Variants in HACE1 observed in about 807,000 individuals in gnomAD.
HACE1 encodes E3 ubiquitin-protein ligase HACE1.
A neutral mutation model predicts 118.4 loss-of-function variants in HACE1; 73 were observed. The ratio of observed to expected loss-of-function variants is 0.62; its 90% CI spans 0.51 to 0.75. HACE1 has a LOEUF of 0.75. Ranked by LOEUF, HACE1 falls within the 30% of genes least tolerant of loss-of-function variation. HACE1 has a pLI of 0.00. For missense variants in HACE1, 749 were observed against 1,102.2 expected, an observed-to-expected ratio of 0.68 and a Z score of 4.54; for synonymous variants, 368 against 374.8, an observed-to-expected ratio of 0.98 and a Z score of 0.21.
chr6:104,760,358 T>G (rs1779207438), intron 19 of HACE1, among the ~76,000 whole-genome samples: 1 of 152,180 alleles, frequency 6.6e-6, no homozygotes, highest in Non-Finnish European at 1.5e-5. Flanking sequence ...CACGATCAAG[T>G]CGGCTTCATC....
At chr6:104,736,964 T>A (rs1035641199) in intron 22 of HACE1, among the ~76,000 whole-genome samples, 1 of 152,058 alleles carries the variant, frequency 6.6e-6, no homozygotes, top group Non-Finnish European at 1.5e-5. Context: ...GATTAAACAC[T>A]ACTTTTAAAA....
intron 6 of HACE1, among the ~76,000 whole-genome samples, chr6:104,817,012 G>A (rs1028505222): frequency 6.6e-6 from 1 of 152,160 alleles, no homozygotes; most frequent in Non-Finnish European, 1.5e-5. Context: ...TTCACTCAAT[G>A]CCTGTACCCC....
At chr6:104,791,092 C>T (rs939172398) in intron 11 of HACE1, among the ~76,000 whole-genome samples, 5 of 152,116 alleles carry the variant, frequency 3.3e-5, no homozygotes, top group African/African-American at 1.2e-4. Context: ...ACTTTGAAAA[C>T]ACATACAGAC....
intron 6 of HACE1, chr6:104,824,934 T>C (rs1773153579): frequency 6.6e-6 from 1 of 150,528 alleles, no homozygotes; most frequent in Non-Finnish European, 1.5e-5. Flanking sequence ...ATACAAAAAA[T>C]TAGCCGGGCG....
At chr6:104,774,631 G>T (rs1386244448) in intron 17 of HACE1, among the ~76,000 whole-genome samples, 1 of 151,724 alleles carries the variant, frequency 6.6e-6, no homozygotes, top group Non-Finnish European at 1.5e-5. Context: ...TGATCTGCCC[G>T]CCTCGGCCTC....
At chr6:104,799,322 A>C (rs371491310) in intron 7 of HACE1, among the ~76,000 whole-genome samples, 1 of 152,198 alleles carries the variant, frequency 6.6e-6, no homozygotes, top group African/African-American at 2.4e-5. Context: ...CAGACAGCCA[A>C]TTCTTCACAC....
At chr6:104,823,636 A>C (rs2486145) in intron 6 of HACE1, among the ~76,000 whole-genome samples, 151,387 of 151,778 alleles carry the variant, frequency 1, 75,499 homozygotes, top group Non-Finnish European at 1. Context: ...AACCAAAAAT[A>C]AAAAAACAGA....
chr6:104,791,775 A>G (rs1783055601), intron 10 of HACE1, 121 bp from the exon 11 acceptor site: 1 of 667,056 alleles, frequency 1.5e-6, no homozygotes, highest in Non-Finnish European at 2.6e-6. Flanking sequence ...CTGGAGTACA[A>G]TTCCTTTCCT....
At position 104,797,039 on chromosome 6, in the gene HACE1, G is replaced by C. The variant is rs1769728840; in HGVS notation, c.618-14C>G. 6.4e-6 allele frequency: 9 copies of C among 1,400,558 alleles called. No homozygotes were observed. The East Asian group carries it at 2.1e-4, about 32-fold the overall frequency. The allele number at this position is 1,400,558 out of a possible 1,614,324, so 86.8% of individuals were successfully genotyped here. A position where few individuals can be genotyped will look rare whatever the true frequency, so the allele number is the denominator to read the frequency against. ...CTCTGACCATGACTGTGTGGAAATA[G>C]AAACAAGTTAAAAATACAATCTTTT... On this transcript the variant is annotated splice_polypyrimidine_tract_variant and intron_variant, in intron 7 of 23. Coordinates refer to ENST00000262903, the MANE Select transcript of HACE1 (RefSeq NM_020771.4).
At chr6:104,770,373 T>C (rs1780479481) in intron 19 of HACE1, among the ~76,000 whole-genome samples, 1 of 152,120 alleles carries the variant, frequency 6.6e-6, no homozygotes, top group Non-Finnish European at 1.5e-5. Flanking sequence ...CAGTGAAATT[T>C]AAAACATATG....
intron 11 of HACE1, among the ~76,000 whole-genome samples, chr6:104,788,600 A>T: frequency 6.6e-6 from 1 of 152,168 alleles, no homozygotes; most frequent in South Asian, 2.1e-4. Flanking sequence ...TAAAAGTTTC[A>T]CAATCTTTCT....
chr6:104,852,224 TGTGTGC>T (rs1562514656), intron 2 of HACE1, 87 bp downstream of exon 2: 92 of 720,050 alleles, frequency 1.3e-4, no homozygotes, highest in Middle Eastern at 4.9e-4. Flanking sequence ...TGTGTGTGTG[TGTGTGC>T]GCGCGTGCGC....
rs142463116 is a variant in HACE1 at position 104,852,228 on chromosome 6, T to TGTGTGTGC, written c.131+88_131+89insGCACACAC. ...GTGTGTGTGTGTGTGTGTGTGTGTG[T>TGTGTGTGC]GCGCGCGTGCGCGTGCACGGGCATG... On this transcript the variant is annotated intron_variant, in intron 2 of 23. Transcript: ENST00000262903. 2,336 of 659,676 alleles carry TGTGTGTGC rather than the reference T, an allele frequency of 3.5e-3. 6 individuals carry two copies. Among genetic ancestry groups the TGTGTGTGC allele is most frequent in the East Asian group, 0.024 (868 of 35,752 alleles). The allele number at this position is 659,676 out of a possible 1,614,324, so 40.9% of individuals were successfully genotyped here. A position where few individuals can be genotyped will look rare whatever the true frequency, so the allele number is the denominator to read the frequency against.
Position 104,777,227 on chromosome 6 carries a change from C to T in HACE1, c.1657G>A (p.Asp553Asn). 1 of 1,612,166 alleles carries T rather than the reference C, an allele frequency of 6.2e-7. No homozygotes were observed. The highest frequency in any genetic ancestry group is 1.1e-5 in the South Asian group (1 of 91,034). Residue 553 changes from aspartate to asparagine, a missense_variant, in exon 15 of 24, where the codon GAT becomes AAT. By Grantham distance (23) the Asp-to-Asn change is conservative. Coordinates refer to ENST00000262903, the MANE Select transcript of HACE1 (RefSeq NM_020771.4). The stretch of plus-strand genomic sequence containing the variant: ...ATACCTCTGTGAACCAGCAGGATAT[C>T]ATTTTCATTCACTGGCCTGTGCACC... The part of the protein sequence containing the change: ...DMVHRPVNEN[D>N]ILLVHRDSIF...
At chr6:104,762,990 A>C in intron 19 of HACE1, among the ~76,000 whole-genome samples, 1 of 133,672 alleles carries the variant, frequency 7.5e-6, no homozygotes, top group African/African-American at 2.7e-5. Context: ...ACTCCATCTC[A>C]AAAAAAAAAA....
rs1243471161 is a variant in HACE1 at position 104,728,112 on chromosome 6, A to G, written c.*1550T>C. ...ACCACACTCAGTTATTTAATATTTT[A>G]TTATCTATCTCTTTTACATAACTAC... On this transcript the variant is annotated 3_prime_UTR_variant, in exon 24 of 24. Transcript: ENST00000262903. 1 of 152,014 alleles carries G rather than the reference A, an allele frequency of 6.6e-6. No individual in the cohort carries two copies. The highest frequency in any genetic ancestry group is 1.5e-5 in the Non-Finnish European group (1 of 67,978). The allele number at this position is 152,014 out of a possible 1,614,324, so 9.4% of individuals were successfully genotyped here. A position where few individuals can be genotyped will look rare whatever the true frequency, so the allele number is the denominator to read the frequency against.
At chr6:104,835,896 A>G (rs1774483414) in intron 5 of HACE1, among the ~76,000 whole-genome samples, 2 of 152,232 alleles carry the variant, frequency 1.3e-5, no homozygotes, top group African/African-American at 4.8e-5. Flanking sequence ...AAACAAAGCT[A>G]GAACACAACA....
chr6:104,764,058 CAAAAAA>C (rs201964810), intron 19 of HACE1, among the ~76,000 whole-genome samples: 3 of 150,410 alleles, frequency 2.0e-5, no homozygotes, highest in Admixed American at 2.0e-4. Flanking sequence ...AACAAACAAA[CAAAAAA>C]AAAGTACTGC....
chr6:104,848,054 G>A (rs1271485959), intron 4 of HACE1, among the ~76,000 whole-genome samples: 4 of 151,374 alleles, frequency 2.6e-5, no homozygotes, highest in African/African-American at 9.7e-5. Flanking sequence ...GTTTCACCAC[G>A]TTGGTCAGAC....
Sources: gnomAD v4.1 joint callset for allele counts (sites outside exome capture counted in the v4.1 genomes callset) on GRCh38, gnomAD v4.1.1 for gene constraint, MANE v1.5 for transcripts, NCBI Gene and HGNC (gene_info 2026-07-23, HGNC 2026-07-21) for gene names.